The following TTC29 variants were observed in gnomAD, a reference collection of about 807,000 sequenced individuals.
TTC29 encodes the protein tetratricopeptide repeat protein 29.
A neutral mutation model predicts 58.1 loss-of-function variants in TTC29; 49 were observed. That is an observed-to-expected ratio of 0.84 (90% CI 0.67 to 1.07). The LOEUF is 1.07. Among genes scored for constraint, TTC29 ranks in the 50% least tolerant of loss-of-function variants. TTC29 has a pLI of 0.00. For missense variants in TTC29, 582 were observed against 555.6 expected (o/e 1.05, Z -0.48); for synonymous variants, 209 against 196.8 (o/e 1.06, Z -0.52).
intron 11 of TTC29, among the ~76,000 whole-genome samples, chr4:146,727,825 A>T (rs1743905823): frequency 6.6e-6 from 1 of 152,216 alleles, no homozygotes; most frequent in African/African-American, 2.4e-5. Context: ...GTGTTTATGT[A>T]GACATGTTTT....
At chr4:146,744,380 AG>A (rs1424721005) in intron 11 of TTC29, among the ~76,000 whole-genome samples, 1 of 151,978 alleles carries the variant, frequency 6.6e-6, no homozygotes, top group African/African-American at 2.4e-5. Flanking sequence ...AAAGAGAGAG[AG>A]AGAGAGGAGG....
At chr4:146,782,699 G>T (rs946831995) in intron 11 of TTC29, among the ~76,000 whole-genome samples, 8 of 151,846 alleles carry the variant, frequency 5.3e-5, no homozygotes, top group African/African-American at 1.4e-4. Flanking sequence ...GTGTGTTGTT[G>T]CTTTAAAAAC....
At chr4:146,816,306 C>T (rs1033835109) in intron 10 of TTC29, among the ~76,000 whole-genome samples, 2 of 152,186 alleles carry the variant, frequency 1.3e-5, no homozygotes, top group Non-Finnish European at 2.9e-5. Flanking sequence ...CCTCATTAGA[C>T]TGTGAGCCTC....
At chr4:146,876,947 A>C (rs1731301490) in intron 6 of TTC29, among the ~76,000 whole-genome samples, 1 of 151,788 alleles carries the variant, frequency 6.6e-6, no homozygotes, top group South Asian at 2.1e-4. Flanking sequence ...AAAAAAAAAA[A>C]AAAAAAAGCA....
chr4:146,942,641 G>A (rs1476027748), intron 2 of TTC29: 1 of 1,531,418 alleles, frequency 6.5e-7, no homozygotes, highest in Admixed American at 2.0e-5. Context: ...ATGTTACAGT[G>A]AACATCGGAA....
At chr4:146,892,153 G>A (rs1732413118) in intron 6 of TTC29, among the ~76,000 whole-genome samples, 1 of 152,036 alleles carries the variant, frequency 6.6e-6, no homozygotes, top group Admixed American at 6.6e-5. Flanking sequence ...TAGTGAGTGA[G>A]TTCTCATGAA....
intron 4 of TTC29, among the ~76,000 whole-genome samples, chr4:146,926,495 C>T (rs1033020509): frequency 3.3e-5 from 5 of 151,820 alleles, no homozygotes; most frequent in Admixed American, 6.6e-5. Flanking sequence ...TGTTTTGAGA[C>T]GGAGTCCTGC....
intron 10 of TTC29, chr4:146,812,674 G>A (rs1473245640): frequency 1.3e-5 from 2 of 152,074 alleles, no homozygotes; most frequent in African/African-American, 4.8e-5. Context: ...AAACCTACCA[G>A]TTTTTCTAGT....
At position 146,728,808 on chromosome 4, in the gene TTC29, T is replaced by C. The variant is rs1009873461; in HGVS notation, c.1331-21257A>G. Among the ~76,000 whole-genome samples the C allele has an allele frequency of 3.2e-5, 4 of 123,944 alleles. No individual in the cohort carries two copies. In the East Asian group the frequency reaches 6.9e-4, roughly 21 times the overall value. The allele number at this position is 123,944 out of a possible 152,430, so 81.3% of individuals were successfully genotyped here. The stretch of plus-strand genomic sequence containing the variant: ...GTGTATATATACGTATATATACACA[T>C]ATATATGTGTATATATACATATATA... On this transcript the variant is annotated intron_variant, in intron 11 of 12. Transcript: ENST00000325106.
At chr4:146,760,640 C>T (rs983691003) in intron 11 of TTC29, among the ~76,000 whole-genome samples, 1 of 151,150 alleles carries the variant, frequency 6.6e-6, no homozygotes, top group Non-Finnish European at 1.5e-5. Context: ...CCAAATACTT[C>T]GAGCCAACTG....
At chr4:146,760,419 C>T (rs7690013) in intron 11 of TTC29, among the ~76,000 whole-genome samples, 48,957 of 151,506 alleles carry the variant, frequency 0.32, 8,315 homozygotes, top group East Asian at 0.45. Flanking sequence ...TCATTCTTCA[C>T]AAAATTAGAA....
chr4:146,830,378 G>A (rs1345298825), intron 9 of TTC29, among the ~76,000 whole-genome samples: 1 of 152,144 alleles, frequency 6.6e-6, no homozygotes, highest in Non-Finnish European at 1.5e-5. Flanking sequence ...GGATTGTGGT[G>A]TGTTTTTCAA....
intron 6 of TTC29, among the ~76,000 whole-genome samples, chr4:146,887,940 AT>A (rs1186307961): frequency 6.6e-6 from 1 of 152,044 alleles, no homozygotes; most frequent in Non-Finnish European, 1.5e-5. Flanking sequence ...AAGTGGAACA[AT>A]AGGGACAAGC....
At chr4:146,872,016 T>A (rs1432285708) in intron 7 of TTC29, among the ~76,000 whole-genome samples, 2 of 152,140 alleles carry the variant, frequency 1.3e-5, no homozygotes, top group Admixed American at 1.3e-4. Context: ...ACTAGAGTAA[T>A]AAAATCTATG....
intron 8 of TTC29, among the ~76,000 whole-genome samples, chr4:146,834,357 A>C (rs997548111): frequency 2.0e-5 from 3 of 152,184 alleles, no homozygotes; most frequent in Non-Finnish European, 4.4e-5. Flanking sequence ...ATTTTATTAG[A>C]TGCATAGCTC....
At chr4:146,831,397 C>T (rs1728150482) in intron 9 of TTC29, among the ~76,000 whole-genome samples, 1 of 152,018 alleles carries the variant, frequency 6.6e-6, no homozygotes, top group South Asian at 2.1e-4. Context: ...TTGTGCCTGG[C>T]CAGGAATTCC....
At chr4:146,921,655 A>G (rs906186847) in intron 4 of TTC29, among the ~76,000 whole-genome samples, 1 of 151,230 alleles carries the variant, frequency 6.6e-6, no homozygotes, top group Admixed American at 6.6e-5. Flanking sequence ...CTAATAATAT[A>G]GCTTAAAAAT....
At chr4:146,858,385 C>T (rs891844754) in intron 8 of TTC29, among the ~76,000 whole-genome samples, 3 of 152,166 alleles carry the variant, frequency 2.0e-5, no homozygotes, top group African/African-American at 7.2e-5. Flanking sequence ...CATATTTGGC[C>T]ACTTATAATT....
chr4:146,943,169 C>CTTTTT (rs61184684), intron 2 of TTC29, among the ~76,000 whole-genome samples: 1 of 59,494 alleles, frequency 1.7e-5, no homozygotes, highest in Non-Finnish European at 3.7e-5. Flanking sequence ...ATCAACTGTG[C>CTTTTT]TTTTTTTTTT....
Sources: allele counts gnomAD v4.1 joint callset (sites outside exome capture counted in the v4.1 genomes callset), GRCh38; gene constraint gnomAD v4.1.1; transcripts MANE v1.5; gene names NCBI Gene and HGNC (gene_info 2026-07-23, HGNC 2026-07-21).